The following CDH12 variants were observed in gnomAD, a reference collection of about 807,000 sequenced individuals.
The protein encoded by CDH12 is cadherin 12, also known as cadherin-12.
In CDH12, 41 loss-of-function variants were observed where a neutral mutation model predicts 74.1. The ratio of observed to expected loss-of-function variants is 0.55; its 90% confidence interval spans 0.43 to 0.72. The LOEUF (loss-of-function observed/expected upper bound fraction) is 0.72, where lower values mean the gene tolerates loss of function less well. Among genes scored for constraint, CDH12 ranks in the 30% least tolerant of loss-of-function variants. The probability of loss-of-function intolerance (pLI) is 0.00; values close to 1 mark genes in which losing one functional copy is unlikely to be tolerated. For missense variants in CDH12, 945 were observed against 977.2 expected (o/e 0.97, Z 0.44); for synonymous variants, 399 against 355.0 (o/e 1.12, Z -1.39).
At chr5:22,046,130 A>G (rs1350263905) in intron 5 of CDH12, among the ~76,000 whole-genome samples, 2 of 152,220 alleles carry the variant, frequency 1.3e-5, no homozygotes, top group African/African-American at 4.8e-5. Context: ...TAGGTCGTTT[A>G]CTTGTTCAAG....
intron 1 of CDH12, among the ~76,000 whole-genome samples, chr5:22,743,651 C>T (rs1487416): frequency 0.82 from 124,679 of 152,132 alleles, 51,216 homozygotes; most frequent in Non-Finnish European, 0.85. Flanking sequence ...AGGAGTTACA[C>T]ATGTTAAAAT....
chr5:22,672,189 G>C (rs972364222), intron 1 of CDH12, among the ~76,000 whole-genome samples: 3 of 137,062 alleles, frequency 2.2e-5, no homozygotes, highest in Non-Finnish European at 4.7e-5. Context: ...TATATAGGAA[G>C]TGCCATCTCT....
intron 3 of CDH12, among the ~76,000 whole-genome samples, chr5:22,247,318 T>TG (rs11424095): frequency 0.99 from 150,034 of 152,262 alleles, 73,962 homozygotes; most frequent in East Asian, 1. Context: ...CAATGAAGCC[T>TG]AGTAAAGCTT....
intron 3 of CDH12, among the ~76,000 whole-genome samples, chr5:22,256,712 T>G (rs1292069379): frequency 6.6e-6 from 1 of 152,132 alleles, no homozygotes; most frequent in Non-Finnish European, 1.5e-5. Context: ...ATGATATTGA[T>G]AATCTTGACC....
intron 5 of CDH12, among the ~76,000 whole-genome samples, chr5:22,030,053 A>G (rs1434399430): frequency 6.7e-6 from 1 of 150,236 alleles, no homozygotes; most frequent in Non-Finnish European, 1.5e-5. Context: ...TATAGGTGGG[A>G]ACTGAACAAT....
At chr5:22,373,962 C>T (rs1379963986) in intron 3 of CDH12, among the ~76,000 whole-genome samples, 2 of 152,150 alleles carry the variant, frequency 1.3e-5, no homozygotes, top group East Asian at 3.9e-4. Flanking sequence ...TTCACAAAAT[C>T]CTGAATAAAT....
chr5:22,468,086 CCAG>C, intron 2 of CDH12, among the ~76,000 whole-genome samples: 2 of 152,290 alleles, frequency 1.3e-5, no homozygotes, highest in Middle Eastern at 6.8e-3. Context: ...AATACCCCCA[CCAG>C]TGAAAGCTCT....
rs371699180 is a variant in CDH12 at position 22,550,586 on chromosome 5, C to T, written c.-522-45222G>A. On this transcript the variant is annotated intron_variant, in intron 1 of 14. Coordinates refer to ENST00000382254, the MANE Select transcript of CDH12 (RefSeq NM_004061.5). ...ACCAAAGTGTCTCCAGAATTGACTA[C>T]CTAATAGCTTTACTACTACACCTTA... 4.6e-5 allele frequency among the ~76,000 whole-genome samples: 7 copies of T among 152,288 alleles called. No homozygotes were observed. The East Asian group carries it at 1.2e-3, about 25-fold the overall frequency.
intron 3 of CDH12, among the ~76,000 whole-genome samples, chr5:22,268,580 A>G (rs1028438153): frequency 6.6e-6 from 1 of 152,136 alleles, no homozygotes; most frequent in Non-Finnish European, 1.5e-5. Context: ...TTGTAAAAAA[A>G]AACTCTACAA....
At chr5:22,584,715 T>A (rs1740291558) in intron 1 of CDH12, among the ~76,000 whole-genome samples, 1 of 152,172 alleles carries the variant, frequency 6.6e-6, no homozygotes, top group African/African-American at 2.4e-5. Context: ...ATGTTCTGAT[T>A]ACTTTTTGTC....
intron 5 of CDH12, among the ~76,000 whole-genome samples, chr5:22,069,938 C>A (rs1741829672): frequency 6.6e-6 from 1 of 152,220 alleles, no homozygotes; most frequent in South Asian, 2.1e-4. Flanking sequence ...AGAGCCACTA[C>A]CAGCTGAGTT....
At chr5:22,591,258 T>C (rs900346600) in intron 1 of CDH12, among the ~76,000 whole-genome samples, 1 of 152,190 alleles carries the variant, frequency 6.6e-6, no homozygotes, top group African/African-American at 2.4e-5. Context: ...CCTGCCATGA[T>C]ATAAAATACA....
intron 6 of CDH12, among the ~76,000 whole-genome samples, chr5:21,869,531 TTTTC>T (rs1197966426): frequency 6.6e-6 from 1 of 152,126 alleles, no homozygotes; most frequent in Non-Finnish European, 1.5e-5. Context: ...AAATACTTGT[TTTTC>T]TTTATGTTTT....
intron 5 of CDH12, among the ~76,000 whole-genome samples, chr5:22,077,466 T>C (rs1742406819): frequency 6.6e-6 from 1 of 152,158 alleles, no homozygotes; most frequent in East Asian, 1.9e-4. Context: ...CATGATCTTC[T>C]ATAACCATTT....
intron 1 of CDH12, among the ~76,000 whole-genome samples, chr5:22,691,631 A>T (rs1742086055): frequency 6.6e-6 from 1 of 152,184 alleles, no homozygotes; most frequent in South Asian, 2.1e-4. Context: ...ACCTTTTCAA[A>T]CAAGATCATC....
At chr5:21,842,915 A>G (rs1749952249) in intron 7 of CDH12, among the ~76,000 whole-genome samples, 1 of 152,196 alleles carries the variant, frequency 6.6e-6, no homozygotes, top group South Asian at 2.1e-4. Flanking sequence ...GCCATTTACA[A>G]GGAACACAAT....
At chr5:22,646,054 C>A (rs1246561033) in intron 1 of CDH12, among the ~76,000 whole-genome samples, 1 of 151,412 alleles carries the variant, frequency 6.6e-6, no homozygotes, top group East Asian at 1.9e-4. Flanking sequence ...GCCTATGAAT[C>A]CAATAAATAA....
intron 1 of CDH12, among the ~76,000 whole-genome samples, chr5:22,558,280 G>A (rs1480804871): frequency 6.6e-6 from 1 of 152,046 alleles, no homozygotes; most frequent in East Asian, 1.9e-4. Context: ...AATTGAAAGT[G>A]AATGTTAAGA....
At chr5:22,332,340 G>C (rs1451311481) in intron 3 of CDH12, among the ~76,000 whole-genome samples, 3 of 152,146 alleles carry the variant, frequency 2.0e-5, no homozygotes, top group African/African-American at 7.2e-5. Flanking sequence ...TACAGGCCAG[G>C]AGAAAGTGGC....
Sources: gnomAD v4.1 joint callset for allele counts (sites outside exome capture counted in the v4.1 genomes callset) on GRCh38, gnomAD v4.1.1 for gene constraint, MANE v1.5 for transcripts, NCBI Gene and HGNC (gene_info 2026-07-23, HGNC 2026-07-21) for gene names.